Variants in ESR2 observed in about 807,000 individuals in gnomAD.
ESR2 encodes estrogen receptor beta.
ESR2 carries 36 observed loss-of-function variants against 49.6 expected under a neutral mutation model. That is an observed-to-expected ratio of 0.73 (90% CI 0.56 to 0.96). The LOEUF is 0.96. Among genes scored for constraint, ESR2 ranks in the 40% least tolerant of loss-of-function variants. The probability of loss-of-function intolerance (pLI) is 0.00; values close to 1 mark genes in which losing one functional copy is unlikely to be tolerated. For synonymous variants in ESR2, 320 were observed against 266.1 expected, an observed-to-expected ratio of 1.20 and a Z score of -1.97; for missense variants, 714 against 693.0, an observed-to-expected ratio of 1.03 and a Z score of -0.34.
chr14:64,240,410 C>G (rs2075695729), intron 7 of ESR2, among the ~76,000 whole-genome samples: 1 of 152,218 alleles, frequency 6.6e-6, no homozygotes, highest in Non-Finnish European at 1.5e-5. Flanking sequence ...TCTCCTGACC[C>G]TTATCCTCCA....
At chr14:64,286,963 C>A (rs1186925344) in intron 1 of ESR2, among the ~76,000 whole-genome samples, 1 of 151,180 alleles carries the variant, frequency 6.6e-6, no homozygotes, top group Non-Finnish European at 1.5e-5. Flanking sequence ...GTGATCTGCC[C>A]GCCTTAGCCT....
intron 1 of ESR2, among the ~76,000 whole-genome samples, chr14:64,284,602 A>G (rs912720164): frequency 6.6e-6 from 1 of 151,804 alleles, no homozygotes; most frequent in African/African-American, 2.4e-5. Flanking sequence ...GATTACAGGC[A>G]TGAGCTACCA....
chr14:64,290,653 T>TA (rs1276129188), intron 1 of ESR2, among the ~76,000 whole-genome samples: 14 of 152,196 alleles, frequency 9.2e-5, no homozygotes, highest in African/African-American at 3.4e-4. Context: ...TCCAGCCACC[T>TA]AGGCCTCCCA....
intron 7 of ESR2, among the ~76,000 whole-genome samples, chr14:64,247,659 G>T: frequency 6.6e-6 from 1 of 152,306 alleles, no homozygotes; most frequent in Admixed American, 6.5e-5. Flanking sequence ...AAGAAAAAAA[G>T]TCAATAACCT....
chr14:64,256,498 G>T (rs1008867235), intron 6 of ESR2, among the ~76,000 whole-genome samples: 1 of 152,170 alleles, frequency 6.6e-6, no homozygotes, highest in Non-Finnish European at 1.5e-5. Flanking sequence ...GGAAGCTGAG[G>T]TGGGCAGATC....
At chr14:64,331,191 GCAATCTAAGAAA>G (rs1177867020) in intron 1 of ESR2, among the ~76,000 whole-genome samples, 1 of 152,080 alleles carries the variant, frequency 6.6e-6, no homozygotes, top group East Asian at 1.9e-4. Context: ...TACATACCAT[GCAATCTAAGAAA>G]TATTATCTAG....
At chr14:64,257,147 G>A in intron 6 of ESR2, 79 bp downstream of exon 6, 1 of 1,336,192 alleles carries the variant, frequency 7.5e-7, no homozygotes, top group Non-Finnish European at 1.1e-6. Context: ...TTTAATTGCA[G>A]CACCCAGGAC....
rs1349197242 is a variant in ESR2, at chr14:64,230,197, C to T, written c.*2940G>A. On this transcript the variant is annotated 3_prime_UTR_variant, in exon 9 of 9. Transcript: ENST00000341099. ...GAGCAACAGGAGTCAGACCCTGTCT[C>T]AAAAAAAAAAAAAAAAAGGTGTCAA... 9.1e-6 allele frequency among the ~76,000 whole-genome samples: 1 copy of T among 110,328 alleles called. No individual in the cohort carries two copies. The allele number at this position is 110,328 out of a possible 152,430, so 72.4% of individuals were successfully genotyped here. A position where few individuals can be genotyped will look rare whatever the true frequency, so the allele number is the denominator to read the frequency against.
chr14:64,277,625 C>CAA lies in ESR2; in HGVS notation c.535+2354_535+2355dup, dbSNP rs55742946. Among the ~76,000 whole-genome samples the CAA allele has an allele frequency of 9.7e-3, 895 of 92,052 alleles. 7 individuals carry two copies. Among genetic ancestry groups the CAA allele is most frequent in the African/African-American group, 0.024 (599 of 25,070 alleles). The allele number at this position is 92,052 out of a possible 152,430, so 60.4% of individuals were successfully genotyped here. On this transcript the variant is annotated intron_variant, in intron 3 of 8. Coordinates refer to ENST00000341099, the MANE Select transcript of ESR2 (RefSeq NM_001437.3). ...GGGTGACAGAATGAGACTCCATCTC[C>CAA]AAAAAAAAAAAAAAAAAAAAAAAAG...
chr14:64,300,540 G>T (rs1012308913), intron 1 of ESR2, among the ~76,000 whole-genome samples: 1 of 152,012 alleles, frequency 6.6e-6, no homozygotes, highest in Non-Finnish European at 1.5e-5. Context: ...TGAGAGGATC[G>T]CTCGAGCCCA....
chr14:64,260,653 C>CT lies in ESR2; in HGVS notation c.747_748insA (p.Gly250ArgfsTer27), dbSNP rs1440845167. The CT allele has an allele frequency of 6.3e-7, 1 of 1,598,864 alleles. No individual in the cohort carries two copies. Among genetic ancestry groups the CT allele is most frequent in the East Asian group, 2.3e-5 (1 of 43,888 alleles). ...AGCTCCCGCACTCGGGGCGCGTGGC[C>CT]GCCACTTCTCTTGGCCTTGCCGGCA... On this transcript the variant is annotated frameshift_variant, in exon 5 of 9. Transcript: ENST00000341099. LOFTEE classifies it high-confidence loss of function.
chr14:64,236,638 C>T (rs1227541348), intron 7 of ESR2, among the ~76,000 whole-genome samples: 2 of 152,082 alleles, frequency 1.3e-5, no homozygotes, highest in Non-Finnish European at 2.9e-5. Flanking sequence ...TGTGGTGCTC[C>T]GAACATGCTC....
rs141814969 is a variant in ESR2, at chr14:64,279,928, T to G, written c.535+53A>C. 2.3e-4 allele frequency: 339 copies of G among 1,491,068 alleles called. No individual in the cohort carries two copies. The African/African-American group carries it at 4.1e-3, about 18-fold the overall frequency. The allele number at this position is 1,491,068 out of a possible 1,614,324, so 92.4% of individuals were successfully genotyped here. ...TTCTGCCAAGTCATCTCTGCAAAAT[T>G]GTTTGAAATCAAAAGTAGGAAACTA... On this transcript the variant is annotated intron_variant, in intron 3 of 8. Transcript: ENST00000341099.
intron 4 of ESR2, among the ~76,000 whole-genome samples, chr14:64,268,228 C>T (rs2076370786): frequency 6.6e-6 from 1 of 152,168 alleles, no homozygotes; most frequent in African/African-American, 2.4e-5. Context: ...CATATGTATA[C>T]ACCTATGACT....
At chr14:64,255,745 A>G (rs962170545) in intron 6 of ESR2, among the ~76,000 whole-genome samples, 5 of 152,228 alleles carry the variant, frequency 3.3e-5, no homozygotes, top group Admixed American at 2.6e-4. Context: ...CCAAGCACAT[A>G]CAAGCCAATA....
chr14:64,269,950 G>A (rs1246676750), intron 3 of ESR2, among the ~76,000 whole-genome samples: 1 of 152,204 alleles, frequency 6.6e-6, no homozygotes, highest in Non-Finnish European at 1.5e-5. Context: ...TTGTGCAAAT[G>A]AGAGATGTCT....
At chr14:64,241,998 T>C (rs995535643) in intron 7 of ESR2, among the ~76,000 whole-genome samples, 7 of 152,352 alleles carry the variant, frequency 4.6e-5, no homozygotes, top group Middle Eastern at 3.4e-3. Flanking sequence ...TAATATTAAA[T>C]GTAGGATTTT....
At chr14:64,248,326 A>G (rs996253130) in intron 7 of ESR2, among the ~76,000 whole-genome samples, 8 of 151,956 alleles carry the variant, frequency 5.3e-5, no homozygotes, top group African/African-American at 1.9e-4. Context: ...GCAACACAGC[A>G]AGATTCTGTC....
intron 4 of ESR2, 31 bp downstream of exon 4, chr14:64,268,764 A>G (rs776143898): frequency 7.7e-6 from 10 of 1,293,378 alleles, no homozygotes; most frequent in Admixed American, 1.7e-5. Flanking sequence ...AGCAAGGCCC[A>G]TATTCAATAA....
Sources: gnomAD v4.1 joint callset for allele counts (sites outside exome capture counted in the v4.1 genomes callset) on GRCh38, gnomAD v4.1.1 for gene constraint, MANE v1.5 for transcripts, NCBI Gene and HGNC (gene_info 2026-07-23, HGNC 2026-07-21) for gene names.